KCNB2: variants seen among roughly 807,000 people sequenced by gnomAD.
KCNB2 encodes the protein potassium voltage-gated channel subfamily B member 2.
KCNB2 carries 15 observed loss-of-function variants against 61.5 expected under a neutral mutation model. The ratio of observed to expected loss-of-function variants is 0.24; its 90% confidence interval spans 0.16 to 0.38. KCNB2 has a LOEUF of 0.38. KCNB2 is among the 10% of genes least tolerant of loss of function. The pLI, the probability that KCNB2 is intolerant of heterozygous loss-of-function variation, is 1.00. For synonymous variants in KCNB2, 457 were observed against 446.0 expected (o/e 1.02, Z -0.31); for missense variants, 828 against 1,125.2 (o/e 0.74, Z 3.78).
chr8:72,842,076 C>G (rs1809900404), intron 2 of KCNB2, among the ~76,000 whole-genome samples: 1 of 151,284 alleles, frequency 6.6e-6, no homozygotes, highest in Non-Finnish European at 1.5e-5. Flanking sequence ...TCACAAATAG[C>G]TCTTATTATT....
In KCNB2 at chr8:72,936,633, G is replaced by A. The variant is rs375771803; in HGVS notation, c.1278G>A (p.Glu426=). 1.9e-6 allele frequency: 3 copies of A among 1,614,188 alleles called. No individual in the cohort carries two copies. The highest frequency in any genetic ancestry group is 2.5e-6 in the Non-Finnish European group (3 of 1,180,024). The stretch of plus-strand genomic sequence containing the variant: ...ACAATTTTTCTGAGTTTTACAAGGA[G>A]CAGAAACGCCAAGAGAAAGCAATTA... ...IVNNFSEFYK[E]QKRQEKAIKR... Residue 426 remains glutamate, a synonymous_variant, in exon 3 of 3, where the codon GAG becomes GAA. Transcript: ENST00000523207. The surrounding 1 kb of genome is among the most constrained non-coding windows in gnomAD (Gnocchi z 5.6).
intron 2 of KCNB2, among the ~76,000 whole-genome samples, chr8:72,592,904 T>C (rs1489027245): frequency 1.3e-5 from 2 of 152,210 alleles, no homozygotes; most frequent in Non-Finnish European, 2.9e-5. Flanking sequence ...TATTTTTGTT[T>C]TGTTTCCCTG....
intron 2 of KCNB2, among the ~76,000 whole-genome samples, chr8:72,910,420 A>C (rs1259373946): frequency 6.6e-6 from 1 of 152,176 alleles, no homozygotes; most frequent in East Asian, 1.9e-4. Context: ...GAACCACTGG[A>C]GGAAATGGTG....
rs562665474 is a variant in KCNB2 at position 72,670,368 on chromosome 8, T to A, written c.579+102055T>A. On this transcript the variant is annotated intron_variant, in intron 2 of 2. Transcript: ENST00000523207. ...AATAGATTAATTCTGATAGAAAGTT[T>A]TGGGGTAATTTTGAGAACTATCATT... Among the ~76,000 whole-genome samples the A allele has an allele frequency of 9.2e-5, 14 of 152,336 alleles. 1 individual carries two copies. The South Asian group carries it at 2.9e-3, about 32-fold the overall frequency.
intron 2 of KCNB2, among the ~76,000 whole-genome samples, chr8:72,818,226 G>A (rs1809436699): frequency 6.6e-6 from 1 of 152,082 alleles, no homozygotes; most frequent in Admixed American, 6.5e-5. Flanking sequence ...ACCCTAGTAT[G>A]TAACAAAAAT....
At chr8:72,697,702 T>C (rs746567385) in intron 2 of KCNB2, among the ~76,000 whole-genome samples, 14 of 152,006 alleles carry the variant, frequency 9.2e-5, no homozygotes, top group Non-Finnish European at 1.9e-4. Flanking sequence ...TTCCAGAAAA[T>C]TCAATTTCAG....
intron 2 of KCNB2, among the ~76,000 whole-genome samples, chr8:72,592,915 A>G (rs1020505943): frequency 6.6e-6 from 1 of 152,212 alleles, no homozygotes; most frequent in African/African-American, 2.4e-5. Flanking sequence ...TGTTTCCCTG[A>G]AAGAAAATGC....
At chr8:72,826,026 T>G (rs902654483) in intron 2 of KCNB2, among the ~76,000 whole-genome samples, 3 of 152,240 alleles carry the variant, frequency 2.0e-5, no homozygotes, top group Non-Finnish European at 4.4e-5. Context: ...TTTATAACAT[T>G]TGCTTATGTT....
chr8:72,660,428 A>C (rs1806360128), intron 2 of KCNB2, among the ~76,000 whole-genome samples: 1 of 152,198 alleles, frequency 6.6e-6, no homozygotes, highest in Non-Finnish European at 1.5e-5. Context: ...TGCCATCACA[A>C]CCAGATGCTC....
At chr8:72,905,130 T>G (rs1226951334) in intron 2 of KCNB2, among the ~76,000 whole-genome samples, 1 of 152,176 alleles carries the variant, frequency 6.6e-6, no homozygotes, top group Non-Finnish European at 1.5e-5. Flanking sequence ...AGGACCAAAG[T>G]CTTTAAAAGT....
At chr8:72,666,076 G>C (rs574683492) in intron 2 of KCNB2, among the ~76,000 whole-genome samples, 1 of 152,150 alleles carries the variant, frequency 6.6e-6, no homozygotes, top group Admixed American at 6.5e-5. Context: ...TTTTTTTTAA[G>C]TAAAATCGGA....
chr8:72,617,410 C>T lies in KCNB2; in HGVS notation c.579+49097C>T, dbSNP rs1330034278. 4.6e-5 allele frequency among the ~76,000 whole-genome samples: 7 copies of T among 152,058 alleles called. No homozygotes were observed. The South Asian group carries it at 6.2e-4, about 14-fold the overall frequency. On this transcript the variant is annotated intron_variant, in intron 2 of 2. Coordinates refer to ENST00000523207, the MANE Select transcript of KCNB2 (RefSeq NM_004770.3). Reference sequence around the variant, plus strand: ...GCAAGAGAACATTGTTTTAGAAAGGCGGGGATTTGGCACCCAAATCAGATG... The same window carrying T: ...GCAAGAGAACATTGTTTTAGAAAGGTGGGGATTTGGCACCCAAATCAGATG...
At chr8:72,699,494 A>G (rs1246525058) in intron 2 of KCNB2, among the ~76,000 whole-genome samples, 1 of 151,794 alleles carries the variant, frequency 6.6e-6, no homozygotes, top group African/African-American at 2.4e-5. Context: ...TCTGGATATT[A>G]GACATTTGTC....
chr8:72,602,175 C>T (rs1023597634), intron 2 of KCNB2, among the ~76,000 whole-genome samples: 1 of 152,170 alleles, frequency 6.6e-6, no homozygotes, highest in African/African-American at 2.4e-5. Flanking sequence ...TATTAGGCAG[C>T]TCCAGCCATT....
intron 2 of KCNB2, among the ~76,000 whole-genome samples, chr8:72,617,332 T>G (rs1001443440): frequency 2.0e-5 from 3 of 152,116 alleles, no homozygotes; most frequent in Non-Finnish European, 4.4e-5. Flanking sequence ...TAGCCAGTGA[T>G]GTATGTTGCA....
chr8:72,561,727 A>ATATATATGTGTG lies in KCNB2; in HGVS notation c.-93-5914_-93-5913insATATATGTGTGT, dbSNP rs1189336093. ...TATATATATATATATATATATATAT[A>ATATATATGTGTG]TCTATATCTATATATATATGTATAT... is the stretch of plus-strand genomic sequence containing the variant. On this transcript the variant is annotated intron_variant, in intron 1 of 2. Transcript: ENST00000523207. Among the ~76,000 whole-genome samples the ATATATATGTGTG allele has an allele frequency of 3.1e-4, 11 of 35,264 alleles. 2 individuals carry two copies. The highest frequency in any genetic ancestry group is 1.6e-3 in the Admixed American group (3 of 1,896). 23.1% of individuals were successfully genotyped at this position (35,264 alleles called of 152,430 possible). A position where few individuals can be genotyped will look rare whatever the true frequency, so the allele number is the denominator to read the frequency against.
chr8:72,683,857 A>G (rs1420528210), intron 2 of KCNB2, among the ~76,000 whole-genome samples: 1 of 152,166 alleles, frequency 6.6e-6, no homozygotes, highest in African/African-American at 2.4e-5. Context: ...AAATTAACTC[A>G]TTAGGAGGCC....
Position 72,655,655 on chromosome 8 carries a change from A to G in KCNB2, c.579+87342A>G, listed in dbSNP as rs1406131448. Among the ~76,000 whole-genome samples, 8 of 152,218 alleles carry G rather than the reference A, an allele frequency of 5.3e-5. 1 individual carries two copies. Among genetic ancestry groups the G allele is most frequent in the Admixed American group, 5.2e-4 (8 of 15,276 alleles). On this transcript the variant is annotated intron_variant, in intron 2 of 2. Transcript: ENST00000523207. ...GAAAGTTAATCAAACAGCAAACAAC[A>G]AATATAGTTTTGACCATGATACATT...
At chr8:72,653,032 A>G (rs1806236430) in intron 2 of KCNB2, among the ~76,000 whole-genome samples, 1 of 151,864 alleles carries the variant, frequency 6.6e-6, no homozygotes, top group East Asian at 1.9e-4. Flanking sequence ...CATACCTCCA[A>G]TCTCTGCCTC....
Sources: allele counts gnomAD v4.1 joint callset (sites outside exome capture counted in the v4.1 genomes callset), GRCh38; gene constraint gnomAD v4.1.1; non-coding constraint Gnocchi (gnomAD v3.1); transcripts MANE v1.5; gene names NCBI Gene and HGNC (gene_info 2026-07-23, HGNC 2026-07-21).